The following FAM184B variants were observed in gnomAD, a reference collection of about 807,000 sequenced individuals.
FAM184B encodes the protein protein FAM184B.
FAM184B carries 111 observed loss-of-function variants against 135.9 expected under a neutral mutation model. That is an observed-to-expected ratio of 0.82 (90% CI 0.70 to 0.96). The LOEUF (loss-of-function observed/expected upper bound fraction) is 0.96. Among genes scored for constraint, FAM184B ranks in the 40% least tolerant of loss-of-function variants. FAM184B has a pLI of 0.00. For synonymous variants in FAM184B, 552 were observed against 524.8 expected (o/e 1.05, Z -0.71); for missense variants, 1,375 against 1,323.9 (o/e 1.04, Z -0.60).
At chr4:17,679,393 C>A (rs1716387221) in intron 7 of FAM184B, among the ~76,000 whole-genome samples, 3 of 152,054 alleles carry the variant, frequency 2.0e-5, no homozygotes, top group Non-Finnish European at 4.4e-5. Flanking sequence ...AGAAGATATA[C>A]AAATGGTAAA....
chr4:17,765,931 C>A (rs1042492005), intron 1 of FAM184B, among the ~76,000 whole-genome samples: 5 of 152,092 alleles, frequency 3.3e-5, no homozygotes, highest in African/African-American at 1.2e-4. Flanking sequence ...GCTCTTAAAG[C>A]AGCACATCTA....
intron 1 of FAM184B, among the ~76,000 whole-genome samples, chr4:17,710,266 G>A (rs555980713): frequency 4.6e-5 from 7 of 152,262 alleles, no homozygotes; most frequent in African/African-American, 1.4e-4. Flanking sequence ...GGAGGTTGCA[G>A]CGAGCTGAGA....
chr4:17,660,096 A>G lies in FAM184B; in HGVS notation c.1695-9T>C, dbSNP rs757616460. On this transcript the variant is annotated splice_polypyrimidine_tract_variant and intron_variant, in intron 8 of 17. Coordinates refer to ENST00000265018, the MANE Select transcript of FAM184B (RefSeq NM_015688.2). ...TGAGAAGCACTTTGGTCCTTTGAAG[A>G]TAAGGATGCCACAATCACAAAAGAT... 2 of 1,551,142 alleles carry G rather than the reference A, an allele frequency of 1.3e-6. No homozygotes were observed.
intron 1 of FAM184B, among the ~76,000 whole-genome samples, chr4:17,770,678 C>A (rs986682266): frequency 6.6e-6 from 1 of 152,160 alleles, no homozygotes; most frequent in African/African-American, 2.4e-5. Context: ...GTTGTCCAGG[C>A]TGGTCTTGAA....
intron 1 of FAM184B, among the ~76,000 whole-genome samples, chr4:17,766,939 C>G (rs537724797): frequency 1.2e-4 from 18 of 152,208 alleles, no homozygotes; most frequent in Non-Finnish European, 2.4e-4. Flanking sequence ...CAGCAGGTCC[C>G]GAGCCCTGCC....
intron 8 of FAM184B, among the ~76,000 whole-genome samples, chr4:17,660,951 G>A (rs1248413462): frequency 1.3e-5 from 2 of 152,082 alleles, no homozygotes. Context: ...TGGCAGAGGT[G>A]AGAAGGCCCA....
chr4:17,634,486 G>C (rs1390332965), intron 16 of FAM184B, among the ~76,000 whole-genome samples: 1 of 152,146 alleles, frequency 6.6e-6, no homozygotes, highest in Non-Finnish European at 1.5e-5. Context: ...ACCAAGCCCA[G>C]CTAATTTTTG....
chr4:17,767,345 C>T (rs1306812998), intron 1 of FAM184B, among the ~76,000 whole-genome samples: 1 of 152,224 alleles, frequency 6.6e-6, no homozygotes, highest in South Asian at 2.1e-4. Flanking sequence ...GCTGCCAGGG[C>T]TGCCAGCATG....
intron 7 of FAM184B, among the ~76,000 whole-genome samples, chr4:17,677,079 G>T (rs1658784187): frequency 6.6e-6 from 1 of 152,056 alleles, no homozygotes; most frequent in African/African-American, 2.4e-5. Flanking sequence ...AAGGTCTGTG[G>T]CTCTGTTGCC....
intron 13 of FAM184B, among the ~76,000 whole-genome samples, chr4:17,640,481 C>CAAAAAAAAAAAAAAAAAA: frequency 7.8e-6 from 1 of 127,430 alleles, no homozygotes; most frequent in Non-Finnish European, 1.6e-5. Context: ...AAGACTGTCT[C>CAAAAAAAAAAAAAAAAAA]AAAAAAAAAA....
Position 17,685,558 on chromosome 4 carries a change from C to CA in FAM184B, c.1596+2865dup, listed in dbSNP as rs11350244. On this transcript the variant is annotated intron_variant, in intron 7 of 17. Transcript: ENST00000265018. ...TGGGTGACAAAGTGAGACTCTGTCT[C>CA]AAAAAAAAAAAAAAAAAAAAAGACT... Among the ~76,000 whole-genome samples the CA allele has an allele frequency of 5.7e-3, 491 of 86,646 alleles. 13 individuals are homozygous for CA. The highest frequency in any genetic ancestry group is 0.048 in the East Asian group (141 of 2,966). 56.8% of individuals were successfully genotyped at this position (86,646 alleles called of 152,430 possible). A position where few individuals can be genotyped will look rare whatever the true frequency, so the allele number is the denominator to read the frequency against.
chr4:17,636,350 G>A (rs1299214780), intron 15 of FAM184B, among the ~76,000 whole-genome samples, 178 bp downstream of exon 15: 2 of 152,128 alleles, frequency 1.3e-5, no homozygotes, highest in African/African-American at 4.8e-5. Flanking sequence ...TGATCCACCC[G>A]CCTCCGCCTC....
chr4:17,719,687 T>C (rs146628862), intron 1 of FAM184B, among the ~76,000 whole-genome samples: 1 of 152,292 alleles, frequency 6.6e-6, no homozygotes, highest in Non-Finnish European at 1.5e-5. Context: ...ATCTTTATTT[T>C]AACCCCACAT....
At chr4:17,648,634 C>G (rs1327101772) in intron 11 of FAM184B, among the ~76,000 whole-genome samples, 1 of 152,010 alleles carries the variant, frequency 6.6e-6, no homozygotes, top group Non-Finnish European at 1.5e-5. Flanking sequence ...GATTATAGCG[C>G]GTGAGCCACA....
chr4:17,680,974 C>T (rs7694020), intron 7 of FAM184B, among the ~76,000 whole-genome samples: 76,577 of 152,076 alleles, frequency 0.5, 22,530 homozygotes, highest in East Asian at 0.82. Context: ...GAACACCGAA[C>T]GTAATGGAGT....
chr4:17,766,298 A>C (rs111648780), intron 1 of FAM184B, among the ~76,000 whole-genome samples: 4,255 of 152,316 alleles, frequency 0.028, 105 homozygotes, highest in Middle Eastern at 0.082. Context: ...TGAGCTAGAC[A>C]CAAAAGTTGT....
chr4:17,693,244 T>C (rs2108958591), intron 6 of FAM184B, 58 bp downstream of exon 6: 1 of 1,346,682 alleles, frequency 7.4e-7, no homozygotes, highest in South Asian at 1.3e-5. Context: ...CTCAGTTAGG[T>C]AGAAGCTCCC....
intron 12 of FAM184B, 112 bp from the exon 13 acceptor site, chr4:17,642,340 C>G: frequency 7.3e-7 from 1 of 1,375,790 alleles, no homozygotes; most frequent in Non-Finnish European, 9.3e-7. Context: ...CCCGCCCAGG[C>G]TGGAGCCTGT....
chr4:17,774,142 T>C (rs112930212), intron 1 of FAM184B, among the ~76,000 whole-genome samples: 6,465 of 152,008 alleles, frequency 0.043, 420 homozygotes, highest in African/African-American at 0.15. Context: ...TCTGGAAGGC[T>C]GAGGTGGGAG....
Sources: gnomAD v4.1 joint callset for allele counts (sites outside exome capture counted in the v4.1 genomes callset) on GRCh38, gnomAD v4.1.1 for gene constraint, MANE v1.5 for transcripts, NCBI Gene and HGNC (gene_info 2026-07-23, HGNC 2026-07-21) for gene names.